The following FAM162B variants were observed in gnomAD, a reference collection of about 807,000 sequenced individuals.
FAM162B encodes protein FAM162B.
FAM162B carries 16 observed loss-of-function variants against 20.0 expected under a neutral mutation model. That is an observed-to-expected ratio of 0.80 (90% CI 0.54 to 1.21). The LOEUF (loss-of-function observed/expected upper bound fraction) is 1.21, where lower values mean the gene tolerates loss of function less well. Among genes scored for constraint, FAM162B ranks in the 50% most tolerant of loss-of-function variants. FAM162B has a pLI of 0.00. For missense variants in FAM162B, 260 were observed against 227.5 expected, an observed-to-expected ratio of 1.14 and a Z score of -0.92; for synonymous variants, 83 against 89.7, an observed-to-expected ratio of 0.93 and a Z score of 0.42.
intron 2 of FAM162B, 22 bp from the exon 3 acceptor site, chr6:116,762,107 G>C (rs775022866): frequency 7.3e-6 from 11 of 1,513,974 alleles, no homozygotes; most frequent in Non-Finnish European, 9.9e-6. Flanking sequence ...TGTGTATTTT[G>C]TTAAATATGT....
At chr6:116,761,716 GTATATATACT>G in intron 3 of FAM162B, among the ~76,000 whole-genome samples, 1 of 137,086 alleles carries the variant, frequency 7.3e-6, no homozygotes, top group East Asian at 2.0e-4. Flanking sequence ...ATATATACTT[GTATATATACT>G]TATATATACA....
chr6:116,754,067 T>G (rs1780025102), intron 3 of FAM162B, among the ~76,000 whole-genome samples: 7 of 152,220 alleles, frequency 4.6e-5, no homozygotes, highest in Admixed American at 4.6e-4. Flanking sequence ...CACATTGGCC[T>G]ATTCCAGTGT....
Position 116,759,550 on chromosome 6 carries a change from G to A in FAM162B, c.390+2427C>T, listed in dbSNP as rs372723418. On this transcript the variant is annotated intron_variant, in intron 3 of 3. Transcript: ENST00000368557. ...TCTCGATTTCCTGACCTTGTGATCC[G>A]CCCGCCTCGGCCTCCCAAAGTGCTG... Among the ~76,000 whole-genome samples, 5 of 151,628 alleles carry A rather than the reference G, an allele frequency of 3.3e-5. No individual in the cohort carries two copies. In the East Asian group the frequency reaches 9.7e-4, roughly 30 times the overall value.
chr6:116,764,243 A>G (rs1360835180), intron 2 of FAM162B, among the ~76,000 whole-genome samples: 1 of 152,210 alleles, frequency 6.6e-6, no homozygotes, highest in African/African-American at 2.4e-5. Flanking sequence ...CATTCATTAC[A>G]TTGTACAAAT....
At chr6:116,758,921 T>C (rs1780084801) in intron 3 of FAM162B, among the ~76,000 whole-genome samples, 1 of 152,176 alleles carries the variant, frequency 6.6e-6, no homozygotes, top group South Asian at 2.1e-4. Context: ...TTTTAATTAT[T>C]GTTGTTGTTT....
chr6:116,754,095 ATAAC>A (rs1411547485), intron 3 of FAM162B, among the ~76,000 whole-genome samples: 1 of 152,302 alleles, frequency 6.6e-6, no homozygotes, highest in East Asian at 1.9e-4. Flanking sequence ...ATATCCATTT[ATAAC>A]TAACTATTTC....
intron 3 of FAM162B, among the ~76,000 whole-genome samples, chr6:116,755,993 G>A (rs568462735): frequency 1.3e-5 from 2 of 152,276 alleles, no homozygotes; most frequent in South Asian, 4.1e-4. Flanking sequence ...TTTACAAGGA[G>A]ATTAATATTT....
chr6:116,760,780 G>A (rs1780131581), intron 3 of FAM162B, among the ~76,000 whole-genome samples: 1 of 152,158 alleles, frequency 6.6e-6, no homozygotes, highest in Non-Finnish European at 1.5e-5. Context: ...CATGCTAATA[G>A]GAATGAAAGG....
At chr6:116,763,781 T>TTG (rs1175341886) in intron 2 of FAM162B, among the ~76,000 whole-genome samples, 37 of 151,466 alleles carry the variant, frequency 2.4e-4, no homozygotes, top group African/African-American at 9.0e-4. Context: ...TTTTAATTTT[T>TTG]TTTTTTTTTT....
chr6:116,761,642 ATACACT>A (rs372940208), intron 3 of FAM162B, among the ~76,000 whole-genome samples: 4 of 71,390 alleles, frequency 5.6e-5, no homozygotes, highest in Admixed American at 1.7e-4. Flanking sequence ...ATACATATAT[ATACACT>A]TATATATATA....
At chr6:116,761,113 G>A (rs1354773470) in intron 3 of FAM162B, among the ~76,000 whole-genome samples, 1 of 152,166 alleles carries the variant, frequency 6.6e-6, no homozygotes, top group Non-Finnish European at 1.5e-5. Flanking sequence ...GTAGAAGGAA[G>A]TTGTTAGAGT....
rs145371998 is a variant in FAM162B, at chr6:116,762,082, T to C, written c.285A>G (p.Pro95=). 189 of 1,571,146 alleles carry C rather than the reference T, an allele frequency of 1.2e-4. 3 individuals carry two copies. In the African/African-American group the frequency reaches 1.5e-3, roughly 12 times the overall value. Residue 95 remains proline (P), a synonymous_variant, in exon 3 of 4, where the codon CCA becomes CCG. Transcript: ENST00000368557. ...SMEEIPPRIP[P]EMIDTARNKA... is the part of the protein sequence containing the mutation. ...TGTTTCTTGCGGTGTCTATCATTTC[T>C]GGCCTAAACAAAGATGTGTATTTTG...
In FAM162B at chr6:116,752,708, A is replaced by C; in HGVS notation, c.391-13T>G. ...GTCGTTCTACAGCCTGTGGGGGGGA[A>C]GAAATATATATATATATATATATAT... On this transcript the variant is annotated splice_polypyrimidine_tract_variant and intron_variant, in intron 3 of 3. Transcript: ENST00000368557. 2.1e-6 allele frequency: 2 copies of C among 957,464 alleles called. No individual in the cohort carries two copies. Among genetic ancestry groups the C allele is most frequent in the East Asian group, 3.0e-5 (1 of 33,108 alleles). The allele number at this position is 957,464 out of a possible 1,614,324, so 59.3% of individuals were successfully genotyped here.
rs748710434 is a variant in FAM162B, at chr6:116,765,427, G to T, written c.150C>A (p.Ser50Arg). 7.0e-5 allele frequency: 102 copies of T among 1,447,370 alleles called. 1 individual carries two copies. The South Asian group carries it at 1.1e-3, about 15-fold the overall frequency. The allele number at this position is 1,447,370 out of a possible 1,614,324, so 89.7% of individuals were successfully genotyped here. A position where few individuals can be genotyped will look rare whatever the true frequency, so the allele number is the denominator to read the frequency against. Residue 50 changes from serine (S) to arginine (R), a missense_variant, in exon 1 of 4, where the codon AGC (serine) becomes AGA (arginine). Transcript: ENST00000368557. ...CACCGTGACCTTGGGGCCCAGAATT[G>T]CTGGGGGCCCCGCCGCTGGAGTAGC... ...LPCYSSGGAP[S>R]NSGPQGHGEI...
chr6:116,765,333 C>T (rs1267833200), intron 1 of FAM162B, 72 bp downstream of exon 1: 5 of 1,546,848 alleles, frequency 3.2e-6, no homozygotes, highest in Non-Finnish European at 4.4e-6. Flanking sequence ...AAGCCGACTC[C>T]CGGGCCGGCC....
At chr6:116,757,592 C>CA (rs773690093) in intron 3 of FAM162B, among the ~76,000 whole-genome samples, 24 of 151,638 alleles carry the variant, frequency 1.6e-4, no homozygotes, top group Non-Finnish European at 2.7e-4. Flanking sequence ...ACAAAAAATA[C>CA]AAAAAAATTA....
chr6:116,753,979 A>G (rs1780024145), intron 3 of FAM162B, among the ~76,000 whole-genome samples: 1 of 152,204 alleles, frequency 6.6e-6, no homozygotes, highest in South Asian at 2.1e-4. Context: ...CAATGCTCTC[A>G]CTTCAGAGCT....
intron 2 of FAM162B, among the ~76,000 whole-genome samples, chr6:116,762,534 G>A (rs1487700927): frequency 2.7e-5 from 4 of 150,326 alleles, no homozygotes; most frequent in Non-Finnish European, 4.4e-5. Context: ...TTTTTCACTC[G>A]CCTCCCAATC....
chr6:116,765,682 T>A lies in FAM162B; in HGVS notation c.-106A>T. 8.4e-7 allele frequency: 1 copy of A among 1,194,252 alleles called. No individual in the cohort carries two copies. The highest frequency in any genetic ancestry group is 1.0e-6 in the Non-Finnish European group (1 of 952,580). The allele number at this position is 1,194,252 out of a possible 1,614,324, so 74.0% of individuals were successfully genotyped here. ...CCGGCCTGCCGCGCGCTGGAGAGCC[T>A]GGGACGTGCAGCTGGAACCCCTGGC... On this transcript the variant is annotated 5_prime_UTR_variant, in exon 1 of 4. Transcript: ENST00000368557.
Sources: allele counts gnomAD v4.1 joint callset (sites outside exome capture counted in the v4.1 genomes callset), GRCh38; gene constraint gnomAD v4.1.1; transcripts MANE v1.5; gene names NCBI Gene and HGNC (gene_info 2026-07-23, HGNC 2026-07-21).